PLSCR2: variants seen among roughly 807,000 people sequenced by gnomAD.
The protein encoded by PLSCR2 is PL scramblase 2.
A neutral mutation model predicts 25.3 loss-of-function variants in PLSCR2; 18 were observed. The observed-to-expected ratio is 0.71, with a 90% CI of 0.49 to 1.06. The LOEUF (loss-of-function observed/expected upper bound fraction) is 1.06, where lower values mean the gene tolerates loss of function less well. Ranked by LOEUF, PLSCR2 falls within the 50% of genes least tolerant of loss-of-function variation. PLSCR2 has a pLI of 0.00. For missense variants in PLSCR2, 243 were observed against 269.5 expected (o/e 0.90, Z 0.69); for synonymous variants, 88 against 87.3 (o/e 1.01, Z -0.04).
At chr3:146,449,352 C>T (rs759294216) in exon 6 of PLSCR2, 1 of 1,536,002 alleles carries the variant, frequency 6.5e-7, no homozygotes. Context: ...ACAATTTGTT[C>T]ATCAAGAGAT....
At chr3:146,488,917 C>A (rs1240419216) in intron 1 of PLSCR2, among the ~76,000 whole-genome samples, 1 of 152,004 alleles carries the variant, frequency 6.6e-6, no homozygotes, top group Non-Finnish European at 1.5e-5. Flanking sequence ...GGAATCAACC[C>A]AAATGCTCAT....
chr3:146,460,142 T>C (rs2041480915), intron 1 of PLSCR2, 59 bp from the exon 2 acceptor site: 3 of 1,403,442 alleles, frequency 2.1e-6, no homozygotes, highest in Admixed American at 5.0e-5. Flanking sequence ...CAATCCTTTT[T>C]AGAATAACCC....
At chr3:146,439,598 G>A (rs1041592152), downstream of PLSCR2, among the ~76,000 whole-genome samples, 3 of 152,030 alleles carry the variant, frequency 2.0e-5, no homozygotes, top group South Asian at 2.1e-4. Context: ...CGTAGTTCTT[G>A]TGCCATGGTT....
intron 1 of PLSCR2, among the ~76,000 whole-genome samples, chr3:146,486,815 A>G (rs1193788675): frequency 1.3e-5 from 2 of 152,146 alleles, no homozygotes; most frequent in Admixed American, 6.5e-5. Flanking sequence ...AATTCATTTT[A>G]GGAGGCAGCG....
chr3:146,427,673 G>A (rs956986164), intron 2 of PLSCR2, among the ~76,000 whole-genome samples: 3 of 152,110 alleles, frequency 2.0e-5, no homozygotes, highest in Admixed American at 2.0e-4. Context: ...CAAACTTTCT[G>A]TCTTAGTTTA....
At chr3:146,494,896 G>T (rs903764884) in intron 1 of PLSCR2, 6 of 152,084 alleles carry the variant, frequency 3.9e-5, no homozygotes, top group African/African-American at 1.4e-4. Flanking sequence ...TTTCCTAGTG[G>T]GTTCACTGTA....
At chr3:146,445,216 T>C (rs1240996811) in intron 6 of PLSCR2, among the ~76,000 whole-genome samples, 1 of 152,164 alleles carries the variant, frequency 6.6e-6, no homozygotes, top group Non-Finnish European at 1.5e-5. Context: ...CACAGTGTTA[T>C]AATATTCTGT....
intron 5 of PLSCR2, 138 bp from the exon 6 acceptor site, chr3:146,449,505 T>C: frequency 1.9e-6 from 1 of 524,860 alleles, no homozygotes; most frequent in South Asian, 3.5e-5. Context: ...ATATGTTATA[T>C]TAGATGCATA....
intron 8 of PLSCR2, among the ~76,000 whole-genome samples, chr3:146,435,378 A>C (rs1226861921): frequency 1.3e-5 from 2 of 152,236 alleles, no homozygotes; most frequent in African/African-American, 4.8e-5. Flanking sequence ...ACTAGTTTAC[A>C]GTCCCACCAA....
In PLSCR2 at chr3:146,469,576, A is replaced by G. The variant is rs2042026967; in HGVS notation, c.-292-9292T>C. Reference sequence around the variant, plus strand: ...TCCTCCCGTCTGCCCCGTGACTGCCAGGCACACCTGTTGCACAGCCCTCCC... The same window carrying G: ...TCCTCCCGTCTGCCCCGTGACTGCCGGGCACACCTGTTGCACAGCCCTCCC... On this transcript the variant is annotated intron_variant, in intron 1 of 8. Coordinates refer to the PLSCR2 transcript ENST00000336685. 1 of 985,268 alleles carries G rather than the reference A, an allele frequency of 1.0e-6. No homozygotes were observed. The highest frequency in any genetic ancestry group is 1.7e-5 in the African/African-American group (1 of 57,230). The allele number at this position is 985,268 out of a possible 1,614,324, so 61.0% of individuals were successfully genotyped here.
chr3:146,469,970 C>A (rs574946608), intron 1 of PLSCR2, among the ~76,000 whole-genome samples: 244 of 152,256 alleles, frequency 1.6e-3, no homozygotes, highest in Middle Eastern at 6.8e-3. Context: ...TGGCCTACCC[C>A]GGGAACTTCC....
chr3:146,485,673 A>G (rs1365217410), intron 1 of PLSCR2, among the ~76,000 whole-genome samples: 1 of 152,184 alleles, frequency 6.6e-6, no homozygotes, highest in Non-Finnish European at 1.5e-5. Flanking sequence ...AGCTATCTGA[A>G]GATTGAACAA....
At chr3:146,489,526 C>T (rs1427954949) in intron 1 of PLSCR2, among the ~76,000 whole-genome samples, 1 of 152,048 alleles carries the variant, frequency 6.6e-6, no homozygotes, top group Non-Finnish European at 1.5e-5. Context: ...TGACTGATTG[C>T]TTGGCTGCTA....
intron 3 of PLSCR2, among the ~76,000 whole-genome samples, chr3:146,395,407 A>G (rs2038240347): frequency 6.6e-6 from 1 of 152,326 alleles, no homozygotes; most frequent in Non-Finnish European, 1.5e-5. Context: ...CCAAATTAAC[A>G]ATATATTACC....
upstream of PLSCR2, chr3:146,461,715 GGA>G: frequency 1.6e-6 from 1 of 611,622 alleles, no homozygotes; most frequent in South Asian, 2.1e-5. Context: ...TCGTGAGAGA[GGA>G]GAGTCATAAG....
At chr3:146,463,300 C>T (rs2041707883), upstream of PLSCR2, among the ~76,000 whole-genome samples, 1 of 152,080 alleles carries the variant, frequency 6.6e-6, no homozygotes, top group Non-Finnish European at 1.5e-5. Context: ...TCTCGGACTC[C>T]GGAGTAGCTG....
chr3:146,483,479 G>GTATATATA (rs56655616), intron 1 of PLSCR2, among the ~76,000 whole-genome samples: 764 of 54,764 alleles, frequency 0.014, 20 homozygotes, highest in Middle Eastern at 0.028. Context: ...ATATACATGT[G>GTATATATA]TATATATATA....
chr3:146,446,119 A>G (rs1224644718), intron 6 of PLSCR2, among the ~76,000 whole-genome samples: 5 of 151,952 alleles, frequency 3.3e-5, no homozygotes, highest in African/African-American at 1.2e-4. Context: ...CCATAAGTTC[A>G]CATATCTCTG....
At chr3:146,419,497 C>G (rs989998291) in intron 2 of PLSCR2, among the ~76,000 whole-genome samples, 12 of 152,202 alleles carry the variant, frequency 7.9e-5, no homozygotes, top group African/African-American at 2.6e-4. Context: ...GTACCAAAAC[C>G]TGTATTAATT....
Sources: allele counts gnomAD v4.1 joint callset (sites outside exome capture counted in the v4.1 genomes callset), GRCh38; gene constraint gnomAD v4.1.1; transcripts MANE v1.5; gene names NCBI Gene and HGNC (gene_info 2026-07-23, HGNC 2026-07-21).